DAGLA: variants seen among roughly 807,000 people sequenced by gnomAD.
DAGLA encodes the protein diacylglycerol lipase alpha.
A neutral mutation model predicts 102.6 loss-of-function variants in DAGLA; 22 were observed. That is an observed-to-expected ratio of 0.21 (90% CI 0.15 to 0.31). The LOEUF (loss-of-function observed/expected upper bound fraction) is 0.31, where lower values mean the gene tolerates loss of function less well. Ranked by LOEUF, DAGLA falls within the 10% of genes least tolerant of loss-of-function variation. The pLI is 1.00. For synonymous variants in DAGLA, 578 were observed against 628.9 expected, an observed-to-expected ratio of 0.92 and a Z score of 1.21; for missense variants, 927 against 1,446.6, an observed-to-expected ratio of 0.64 and a Z score of 5.83.
chr11:61,719,673 T>C (rs1203632072), intron 1 of DAGLA, among the ~76,000 whole-genome samples: 2 of 152,220 alleles, frequency 1.3e-5, no homozygotes, highest in Non-Finnish European at 2.9e-5. Context: ...GGCTTTGTGC[T>C]GTTGGGTGGG....
intron 1 of DAGLA, among the ~76,000 whole-genome samples, chr11:61,693,419 G>A (rs1045156238): frequency 1.3e-5 from 2 of 151,466 alleles, no homozygotes; most frequent in African/African-American, 4.9e-5. Flanking sequence ...TGCAATCTTG[G>A]CTTACTGCAA....
chr11:61,738,267 C>T (rs1221842770), intron 16 of DAGLA, 60 bp downstream of exon 16: 9 of 1,426,198 alleles, frequency 6.3e-6, no homozygotes, highest in Admixed American at 1.8e-5. Flanking sequence ...GCCCTTGACC[C>T]CCACCGGTTT....
At chr11:61,722,438 T>C (rs1215686623) in intron 3 of DAGLA, among the ~76,000 whole-genome samples, 2 of 152,084 alleles carry the variant, frequency 1.3e-5, no homozygotes, top group Non-Finnish European at 2.9e-5. Context: ...ATACAAAAAT[T>C]AGCTGGGCCT....
chr11:61,728,245 C>T lies in DAGLA; in HGVS notation c.729C>T (p.Leu243=), dbSNP rs201651653. The stretch of plus-strand genomic sequence containing the variant: ...ACATCATTGCTGGCCTGGTGCTGCT[C>T]CGGCAGCGGCAGCGGGCCAAGCGCA... ...PSDIIAGLVL[L]RQRQRAKRNA... The change falls in exon 7 of 20, where the codon CTC becomes CTT. Residue 243 remains leucine, a synonymous_variant. Coordinates refer to ENST00000257215, the MANE Select transcript of DAGLA (RefSeq NM_006133.3). 10 of 1,613,878 alleles carry T rather than the reference C, an allele frequency of 6.2e-6. No individual in the cohort carries two copies.
Position 61,743,785 on chromosome 11 carries a change from C to A in DAGLA, c.2425C>A (p.Leu809Ile). ...CCGCAGCATCCGGGGCTCCCCCAGC[C>A]TCCACGCTGTGCTGGAGCGTGATGA... ...GFRSIRGSPS[L>I]HAVLERDEGH... The change falls in exon 20 of 20, where the codon CTC (leucine) becomes ATC (isoleucine). Residue 809 changes from leucine (L) to isoleucine (I), a missense_variant. Coordinates refer to ENST00000257215, the MANE Select transcript of DAGLA (RefSeq NM_006133.3). 1 of 1,612,576 alleles carries A rather than the reference C, an allele frequency of 6.2e-7. No homozygotes were observed. The highest frequency in any genetic ancestry group is 8.5e-7 in the Non-Finnish European group (1 of 1,179,938).
chr11:61,701,849 A>G (rs773044920), intron 1 of DAGLA, among the ~76,000 whole-genome samples: 1 of 152,084 alleles, frequency 6.6e-6, no homozygotes, highest in Non-Finnish European at 1.5e-5. Context: ...ATCACAGCTC[A>G]CAGCAGCCTG....
At chr11:61,691,044 G>T (rs533607384) in intron 1 of DAGLA, among the ~76,000 whole-genome samples, 1 of 151,876 alleles carries the variant, frequency 6.6e-6, no homozygotes, top group African/African-American at 2.4e-5. Context: ...TCTCTTTGCT[G>T]CCTGCTACAC....
intron 1 of DAGLA, among the ~76,000 whole-genome samples, chr11:61,690,949 C>T (rs1261685167): frequency 1.3e-5 from 2 of 152,230 alleles, no homozygotes; most frequent in East Asian, 1.9e-4. Context: ...CCCTGTACCT[C>T]GCCGGCCGTG....
intron 1 of DAGLA, among the ~76,000 whole-genome samples, chr11:61,700,114 A>G (rs2065097948): frequency 6.6e-6 from 1 of 152,184 alleles, no homozygotes; most frequent in African/African-American, 2.4e-5. Context: ...GTGCCAGGGC[A>G]GCGGCAGCAG....
Position 61,710,209 on chromosome 11 carries a change from T to C in DAGLA, c.-44-9903T>C, listed in dbSNP as rs557281099. 2.6e-5 allele frequency among the ~76,000 whole-genome samples: 4 copies of C among 151,876 alleles called. No individual in the cohort carries two copies. In the East Asian group the frequency reaches 7.8e-4, roughly 30 times the overall value. ...GAAGCCAGAGCGCTGGGATTCGTGC[T>C]GGGAGCTGATGAACTGCCTGGCAGG... On this transcript the variant is annotated intron_variant, in intron 1 of 19. Transcript: ENST00000257215.
rs1487839097 is a variant in DAGLA at position 61,684,663 on chromosome 11, T to C, written c.-45+4159T>C. ...CCTCTAGATGGGGATGGGGCTGTTA[T>C]TACCGCGGGGCTGCCCGGGGAGTGC... On this transcript the variant is annotated intron_variant, in intron 1 of 19. Coordinates refer to ENST00000257215, the MANE Select transcript of DAGLA (RefSeq NM_006133.3). The surrounding 1 kb of genome is among the most constrained non-coding windows in gnomAD (Gnocchi z 4.5). Among the ~76,000 whole-genome samples the C allele has an allele frequency of 6.6e-6, 1 of 152,142 alleles. No homozygotes were observed. The highest frequency in any genetic ancestry group is 1.5e-5 in the Non-Finnish European group (1 of 68,020).
intron 1 of DAGLA, among the ~76,000 whole-genome samples, chr11:61,700,933 A>G (rs1332558775): frequency 2.0e-5 from 3 of 152,196 alleles, no homozygotes; most frequent in Admixed American, 6.5e-5. Context: ...TGGCCACCTC[A>G]CAGTGAGCGA....
At chr11:61,713,307 G>A (rs555679164) in intron 1 of DAGLA, among the ~76,000 whole-genome samples, 3 of 152,362 alleles carry the variant, frequency 2.0e-5, no homozygotes, top group South Asian at 2.1e-4. Context: ...GGCCTAGGCT[G>A]TGTGGCTGTG....
chr11:61,743,060 G>A (rs2065494551), intron 19 of DAGLA, among the ~76,000 whole-genome samples: 1 of 152,078 alleles, frequency 6.6e-6, no homozygotes, highest in African/African-American at 2.4e-5. Flanking sequence ...CTTGTGAGTT[G>A]TTTTTAAAAA....
Position 61,744,285 on chromosome 11 carries a change from C to G in DAGLA, c.2925C>G (p.Leu975=). 6.2e-7 allele frequency: 1 copy of G among 1,612,916 alleles called. No homozygotes were observed. Among genetic ancestry groups the G allele is most frequent in the Non-Finnish European group, 8.5e-7 (1 of 1,179,902 alleles). ...EPNLVPKPPR[L]FAGSADPSSG... ...ACCTGGTGCCCAAGCCCCCACGGCTCTTTGCCGGCTCAGCCGACCCCTCCT... is the reference window on the plus strand; with the variant it reads ...ACCTGGTGCCCAAGCCCCCACGGCTGTTTGCCGGCTCAGCCGACCCCTCCT... Residue 975 remains leucine, a synonymous_variant, in exon 20 of 20, where the codon CTC becomes CTG. Transcript: ENST00000257215.
intron 1 of DAGLA, among the ~76,000 whole-genome samples, chr11:61,702,425 C>T (rs1028859147): frequency 6.6e-6 from 1 of 152,202 alleles, no homozygotes; most frequent in Non-Finnish European, 1.5e-5. Context: ...GGCTCCGAGT[C>T]TTCTGTGGGA....
intron 1 of DAGLA, among the ~76,000 whole-genome samples, chr11:61,692,262 C>G (rs901048763): frequency 1.3e-5 from 2 of 152,192 alleles, no homozygotes; most frequent in African/African-American, 4.8e-5. Context: ...CACCACCCTC[C>G]TCCACATCAG....
chr11:61,699,204 G>C (rs2065090392), intron 1 of DAGLA, among the ~76,000 whole-genome samples: 1 of 152,208 alleles, frequency 6.6e-6, no homozygotes, highest in Non-Finnish European at 1.5e-5. Context: ...AGCAGCCCCT[G>C]CTGGTAGAAT....
At chr11:61,740,270 G>C (rs940144974) in intron 17 of DAGLA, among the ~76,000 whole-genome samples, 193 bp from the exon 18 acceptor site, 2 of 152,198 alleles carry the variant, frequency 1.3e-5, no homozygotes, top group Non-Finnish European at 2.9e-5. Flanking sequence ...TGAGGCTCGA[G>C]GTCAGCCTTT....
Sources: allele counts gnomAD v4.1 joint callset (sites outside exome capture counted in the v4.1 genomes callset), GRCh38; gene constraint gnomAD v4.1.1; non-coding constraint Gnocchi (gnomAD v3.1); transcripts MANE v1.5; gene names NCBI Gene and HGNC (gene_info 2026-07-23, HGNC 2026-07-21).